NEDD4L: variants seen among roughly 807,000 people sequenced by gnomAD.
The protein encoded by NEDD4L is E3 ubiquitin-protein ligase NEDD4-like.
NEDD4L carries 54 observed loss-of-function variants against 148.9 expected under a neutral mutation model. The ratio of observed to expected loss-of-function variants is 0.36; its 90% CI spans 0.29 to 0.45. NEDD4L has a LOEUF of 0.45. Among genes scored for constraint, NEDD4L ranks in the 20% least tolerant of loss-of-function variants. The probability of loss-of-function intolerance (pLI) is 1.00; values close to 1 mark genes in which losing one functional copy is unlikely to be tolerated. For missense variants in NEDD4L, 856 were observed against 1,233.8 expected (o/e 0.69, Z 4.59); for synonymous variants, 433 against 440.7 (o/e 0.98, Z 0.22).
At chr18:58,101,876 G>A (rs1365500951) in intron 1 of NEDD4L, among the ~76,000 whole-genome samples, 1 of 152,072 alleles carries the variant, frequency 6.6e-6, no homozygotes, top group Non-Finnish European at 1.5e-5. Context: ...TGGAAAGTGG[G>A]TGAATTATTC....
intron 1 of NEDD4L, among the ~76,000 whole-genome samples, chr18:58,089,522 G>A (rs1267108495): frequency 1.3e-5 from 2 of 150,676 alleles, no homozygotes; most frequent in African/African-American, 2.4e-5. Context: ...GAAGCTTTTG[G>A]AAGTGGTTGA....
At chr18:58,378,910 C>G (rs771116966) in intron 24 of NEDD4L, among the ~76,000 whole-genome samples, 12 of 152,334 alleles carry the variant, frequency 7.9e-5, no homozygotes, top group African/African-American at 2.9e-4. Context: ...GGGAGTCCCC[C>G]AGAAGTTCCT....
intron 2 of NEDD4L, among the ~76,000 whole-genome samples, chr18:58,236,176 G>A (rs149373050): frequency 3.6e-4 from 55 of 152,118 alleles, no homozygotes; most frequent in African/African-American, 1.3e-3. Flanking sequence ...GGGCAACATA[G>A]TAACCTCGTC....
intron 1 of NEDD4L, among the ~76,000 whole-genome samples, chr18:58,155,301 A>T (rs2035338582): frequency 1.3e-5 from 2 of 149,426 alleles, no homozygotes; most frequent in Non-Finnish European, 3.0e-5. Context: ...TTTGACTTTG[A>T]TAGTTTTAAG....
At chr18:58,343,204 G>A in intron 16 of NEDD4L, 101 bp downstream of exon 16, 1 of 1,004,924 alleles carries the variant, frequency 1.0e-6, no homozygotes, top group Non-Finnish European at 1.4e-6. Context: ...GAATTGGATT[G>A]ACTGTAAAGG....
At chr18:58,083,742 C>G (rs2083594286) in intron 1 of NEDD4L, among the ~76,000 whole-genome samples, 1 of 152,146 alleles carries the variant, frequency 6.6e-6, no homozygotes, top group Admixed American at 6.5e-5. Flanking sequence ...TGTTCGTCAG[C>G]TGATGAGTGG....
At chr18:58,105,796 C>T (rs1353521832) in intron 1 of NEDD4L, among the ~76,000 whole-genome samples, 1 of 152,158 alleles carries the variant, frequency 6.6e-6, no homozygotes, top group African/African-American at 2.4e-5. Flanking sequence ...ATGTTGCTTG[C>T]ATTTTTCAGT....
At chr18:58,331,692 A>G (rs1183021827) in intron 11 of NEDD4L, among the ~76,000 whole-genome samples, 1 of 152,212 alleles carries the variant, frequency 6.6e-6, no homozygotes, top group Non-Finnish European at 1.5e-5. Context: ...CAAGAAACTG[A>G]ACTTAAAAAT....
intron 1 of NEDD4L, among the ~76,000 whole-genome samples, chr18:58,098,135 T>C (rs1228133160): frequency 6.6e-6 from 1 of 152,140 alleles, no homozygotes; most frequent in Non-Finnish European, 1.5e-5. Flanking sequence ...ATCTGACAAG[T>C]GGCAGAATGC....
intron 1 of NEDD4L, among the ~76,000 whole-genome samples, chr18:58,164,280 T>G (rs2036580268): frequency 6.6e-6 from 1 of 152,216 alleles, no homozygotes; most frequent in African/African-American, 2.4e-5. Flanking sequence ...GCCTCTATTT[T>G]CTCACCTGTG....
At chr18:58,360,444 T>A (rs917933348) in intron 19 of NEDD4L, among the ~76,000 whole-genome samples, 1 of 152,166 alleles carries the variant, frequency 6.6e-6, no homozygotes, top group Non-Finnish European at 1.5e-5. Flanking sequence ...TTCTTTAAGC[T>A]TTTTTTGTAA....
At chr18:58,214,111 A>T (rs760423762) in intron 2 of NEDD4L, among the ~76,000 whole-genome samples, 15 of 152,180 alleles carry the variant, frequency 9.9e-5, no homozygotes, top group Non-Finnish European at 1.9e-4. Context: ...CATGAAGTGC[A>T]AGGTAGCAGT....
At chr18:58,057,194 C>G (rs1246370452) in intron 1 of NEDD4L, among the ~76,000 whole-genome samples, 1 of 151,930 alleles carries the variant, frequency 6.6e-6, no homozygotes, top group East Asian at 1.9e-4. Flanking sequence ...GGGAGGTGAC[C>G]CGAATATGCA....
Position 58,385,638 on chromosome 18 carries a change from A to G in NEDD4L, c.2487+52A>G. On this transcript the variant is annotated intron_variant, in intron 26 of 30. Coordinates refer to ENST00000400345, the MANE Select transcript of NEDD4L (RefSeq NM_001144967.3). ...GCCATGTGCCTCTGGTCCCGGGTCG[A>G]TGGGGGATCGCGCTTCTCCTTTAGC... The G allele has an allele frequency of 4.2e-6, 6 of 1,438,828 alleles. No individual in the cohort carries two copies. The South Asian group carries it at 5.7e-5, about 14-fold the overall frequency. 89.1% of individuals were successfully genotyped at this position (1,438,828 alleles called of 1,614,324 possible).
rs568129442 is a variant in NEDD4L, at chr18:58,316,668, A to AT, written c.348+638dup. 3.9e-5 allele frequency among the ~76,000 whole-genome samples: 6 copies of AT among 152,340 alleles called. No individual in the cohort carries two copies. The South Asian group carries it at 1.0e-3, about 26-fold the overall frequency. ...TCGAGGCTGTTGACTAGTGACGGGC[A>AT]TTAGGGCTGACACCCGAAACAGGAG... On this transcript the variant is annotated intron_variant, in intron 6 of 30. Transcript: ENST00000400345.
chr18:58,250,167 T>A (rs113813854), intron 4 of NEDD4L, among the ~76,000 whole-genome samples: 1 of 150,098 alleles, frequency 6.7e-6, no homozygotes, highest in African/African-American at 2.4e-5. Context: ...GTTTTGTTTT[T>A]TGAGATGGAG....
At chr18:58,335,256 T>C (rs2041573360) in intron 12 of NEDD4L, among the ~76,000 whole-genome samples, 1 of 152,210 alleles carries the variant, frequency 6.6e-6, no homozygotes, top group African/African-American at 2.4e-5. Flanking sequence ...TTGTCATTGT[T>C]TACCCAGGTC....
At chr18:58,315,144 A>C (rs2058123209) in intron 5 of NEDD4L, among the ~76,000 whole-genome samples, 1 of 152,118 alleles carries the variant, frequency 6.6e-6, no homozygotes, top group Admixed American at 6.6e-5. Context: ...TTTATATGAG[A>C]GCGGCAAATA....
At chr18:58,080,917 A>G (rs1031504515) in intron 1 of NEDD4L, among the ~76,000 whole-genome samples, 2 of 151,878 alleles carry the variant, frequency 1.3e-5, no homozygotes, top group Admixed American at 6.6e-5. Flanking sequence ...GAGTGGGGAG[A>G]GGTAGAATTG....
Sources: allele counts gnomAD v4.1 joint callset (sites outside exome capture counted in the v4.1 genomes callset), GRCh38; gene constraint gnomAD v4.1.1; transcripts MANE v1.5; gene names NCBI Gene and HGNC (gene_info 2026-07-23, HGNC 2026-07-21).